RGS7: variants seen among roughly 807,000 people sequenced by gnomAD.
RGS7 encodes the protein regulator of G protein signaling 7, also known as regulator of G-protein signaling 7.
Under a neutral mutation model 81.1 loss-of-function variants are expected in RGS7, and 27 were observed. That is an observed-to-expected ratio of 0.33 (90% CI 0.25 to 0.46). The LOEUF is 0.46. RGS7 is among the 20% of genes least tolerant of loss of function. RGS7 has a pLI of 1.00. For synonymous variants in RGS7, 208 were observed against 207.7 expected, an observed-to-expected ratio of 1.00 and a Z score of -0.01; for missense variants, 396 against 607.4, an observed-to-expected ratio of 0.65 and a Z score of 3.66.
intron 2 of RGS7, among the ~76,000 whole-genome samples, chr1:241,210,407 C>A (rs991639733): frequency 1.3e-5 from 2 of 152,162 alleles, no homozygotes; most frequent in African/African-American, 4.8e-5. Flanking sequence ...CTCGGCCTCC[C>A]AAAGTGCTGG....
intron 3 of RGS7, among the ~76,000 whole-genome samples, chr1:241,083,061 C>T (rs181127384): frequency 5.3e-5 from 8 of 151,858 alleles, no homozygotes; most frequent in Admixed American, 2.6e-4. Context: ...CCTGTCTCTA[C>T]TAAAAATACA....
intron 4 of RGS7, among the ~76,000 whole-genome samples, chr1:240,967,575 G>T (rs925081483): frequency 3.8e-5 from 5 of 131,046 alleles, no homozygotes; most frequent in African/African-American, 1.1e-4. Flanking sequence ...AAGTGGGGGG[G>T]GGGGGGAAAA....
chr1:240,932,513 C>CTTTTT lies in RGS7; in HGVS notation c.334-1750_334-1746dup, dbSNP rs56232293. The stretch of plus-strand genomic sequence containing the variant: ...AACTTTGCTTTCATGTAGGGTGTCA[C>CTTTTT]TTTTTTTTTTTTTGAGACAGGGTCT... On this transcript the variant is annotated intron_variant, in intron 5 of 18. Transcript: ENST00000440928. Among the ~76,000 whole-genome samples the CTTTTT allele has an allele frequency of 2.3e-4, 29 of 126,872 alleles. 10 individuals carry two copies. The highest frequency in any genetic ancestry group is 2.9e-4 in the Non-Finnish European group (18 of 62,798). The allele number at this position is 126,872 out of a possible 152,430, so 83.2% of individuals were successfully genotyped here.
At chr1:241,183,578 C>G (rs2071824454) in intron 2 of RGS7, among the ~76,000 whole-genome samples, 1 of 152,202 alleles carries the variant, frequency 6.6e-6, no homozygotes, top group South Asian at 2.1e-4. Flanking sequence ...GAAAAGTCTC[C>G]TGTGCGGAAA....
chr1:241,074,601 C>T (rs886288009), intron 3 of RGS7, among the ~76,000 whole-genome samples: 1 of 152,188 alleles, frequency 6.6e-6, no homozygotes, highest in Non-Finnish European at 1.5e-5. Context: ...AACAGCTTAG[C>T]AATCAGTGCA....
intron 3 of RGS7, among the ~76,000 whole-genome samples, chr1:241,089,049 CTCTCTCTCTCTCTCTA>C (rs1326925402): frequency 1.6e-3 from 83 of 53,422 alleles, no homozygotes; most frequent in South Asian, 2.6e-3. Flanking sequence ...CTCTCTCTCT[CTCTCTCTCTCTCTCTA>C]TATATATATA....
intron 2 of RGS7, among the ~76,000 whole-genome samples, chr1:241,146,404 TG>T (rs1194251945): frequency 2.6e-5 from 4 of 152,216 alleles, no homozygotes; most frequent in African/African-American, 9.7e-5. Context: ...CTCCAGATTT[TG>T]GTATCTGAGG....
chr1:241,081,861 CT>C (rs1265868481), intron 3 of RGS7, among the ~76,000 whole-genome samples: 1 of 152,150 alleles, frequency 6.6e-6, no homozygotes, highest in East Asian at 1.9e-4. Context: ...TTATTTACTG[CT>C]TTTGGCCACA....
At chr1:240,809,666 T>C (rs1689504277) in intron 14 of RGS7, among the ~76,000 whole-genome samples, 1 of 152,186 alleles carries the variant, frequency 6.6e-6, no homozygotes. Flanking sequence ...GTTTTGGTGG[T>C]TGGATGTGTG....
At chr1:241,261,551 C>T (rs984071181) in intron 2 of RGS7, among the ~76,000 whole-genome samples, 2 of 150,056 alleles carry the variant, frequency 1.3e-5, no homozygotes, top group Non-Finnish European at 1.5e-5. Flanking sequence ...ATCACTTGAA[C>T]TCGGGAGGTG....
intron 18 of RGS7, among the ~76,000 whole-genome samples, chr1:240,797,927 A>G (rs1687341386): frequency 6.6e-6 from 1 of 152,206 alleles, no homozygotes; most frequent in African/African-American, 2.4e-5. Context: ...GCATTACACA[A>G]ATGTGAGTTA....
In RGS7 at chr1:240,803,985, C is replaced by T. The variant is rs75735922; in HGVS notation, c.1270-992G>A. ...AGACATTCAGGATTAAATCTCAAGA[C>T]TTAGCCCAATGGTGATCTTCAAAGG... On this transcript the variant is annotated intron_variant, in intron 15 of 18. Transcript: ENST00000440928. Among the ~76,000 whole-genome samples, 1,126 of 152,120 alleles carry T rather than the reference C, an allele frequency of 7.4e-3. 13 individuals are homozygous for T. The highest frequency in any genetic ancestry group is 0.026 in the African/African-American group (1,059 of 41,494).
intron 6 of RGS7, among the ~76,000 whole-genome samples, chr1:240,912,386 C>T (rs1443092887): frequency 1.3e-5 from 2 of 152,108 alleles, no homozygotes; most frequent in African/African-American, 4.8e-5. Flanking sequence ...AGTTTTTACA[C>T]TTTAATGTAC....
chr1:240,894,964 A>G (rs1364315055), intron 6 of RGS7, among the ~76,000 whole-genome samples: 4 of 152,146 alleles, frequency 2.6e-5, no homozygotes, highest in East Asian at 3.9e-4. Context: ...GTAATCCCCA[A>G]TGCCAGTGAT....
At chr1:241,169,591 C>T (rs768907260) in intron 2 of RGS7, among the ~76,000 whole-genome samples, 3 of 152,056 alleles carry the variant, frequency 2.0e-5, no homozygotes, top group Non-Finnish European at 4.4e-5. Flanking sequence ...GATCCACCTG[C>T]CTCGGCCTCC....
chr1:240,964,344 T>G lies in RGS7; in HGVS notation c.226+18735A>C, dbSNP rs541326463. On this transcript the variant is annotated intron_variant, in intron 4 of 18. Transcript: ENST00000440928. Reference sequence around the variant, plus strand: ...GGATTGCCAGGAAGTCAGGAAGGCCTGATTGAGGTTGGGAACCATGACATC... The same window carrying G: ...GGATTGCCAGGAAGTCAGGAAGGCCGGATTGAGGTTGGGAACCATGACATC... Among the ~76,000 whole-genome samples, 15 of 152,284 alleles carry G rather than the reference T, an allele frequency of 9.9e-5. No homozygotes were observed. In the South Asian group the frequency reaches 2.9e-3, roughly 29 times the overall value.
chr1:241,022,633 T>C (rs574651541), intron 3 of RGS7, among the ~76,000 whole-genome samples: 3 of 152,294 alleles, frequency 2.0e-5, no homozygotes, highest in African/African-American at 4.8e-5. Flanking sequence ...ACCTGTCCAA[T>C]CAGCACTCCC....
At chr1:240,776,325 C>G (rs1682922184) in intron 18 of RGS7, 112 bp from the exon 19 acceptor site, 10 of 804,932 alleles carry the variant, frequency 1.2e-5, no homozygotes, top group Middle Eastern at 2.3e-4. Flanking sequence ...AAGGTCAACA[C>G]TGAACCCTTT....
chr1:240,844,707 T>G (rs1174392661), intron 9 of RGS7, among the ~76,000 whole-genome samples: 2 of 152,198 alleles, frequency 1.3e-5, no homozygotes, highest in African/African-American at 4.8e-5. Context: ...ATAGCCAGAT[T>G]GTCAAAATAT....
Sources: gnomAD v4.1 joint callset for allele counts (sites outside exome capture counted in the v4.1 genomes callset) on GRCh38, gnomAD v4.1.1 for gene constraint, MANE v1.5 for transcripts, NCBI Gene and HGNC (gene_info 2026-07-23, HGNC 2026-07-21) for gene names.